ENTREP2: variants seen among roughly 807,000 people sequenced by gnomAD.
The protein encoded by ENTREP2 is endosomal transmembrane epsin interactor 2.
the ENTREP2 span, among the ~76,000 whole-genome samples, chr15:29,306,664 A>ATTTTTTTTTTTTTTTTTTT: frequency 1.7e-4 from 13 of 77,338 alleles, 2 homozygotes; most frequent in Non-Finnish European, 2.9e-4. Flanking sequence ...ATAATTGGTA[A>ATTTTTTTTTTTTTTTTTTT]TTTTTTTTTT....
chr15:29,203,117 C>G, the ENTREP2 span, among the ~76,000 whole-genome samples: 1 of 152,178 alleles, frequency 6.6e-6, no homozygotes, highest in Non-Finnish European at 1.5e-5. Flanking sequence ...TAAAACCGTT[C>G]CTAGGCCGGG....
At chr15:29,366,407 A>G in the ENTREP2 span, among the ~76,000 whole-genome samples, 1 of 152,112 alleles carries the variant, frequency 6.6e-6, no homozygotes, top group Non-Finnish European at 1.5e-5. Flanking sequence ...TTAAACTAGG[A>G]TTTTTTTATC....
the ENTREP2 span, chr15:29,252,474 G>C: frequency 1.9e-6 from 3 of 1,540,974 alleles, no homozygotes; most frequent in African/African-American, 2.7e-5. Context: ...CATGAAAAAG[G>C]TTATCTGGAA....
At chr15:29,660,661 C>T in the ENTREP2 span, among the ~76,000 whole-genome samples, 10 of 152,262 alleles carry the variant, frequency 6.6e-5, no homozygotes, top group East Asian at 1.7e-3. Context: ...CTTTGGATTT[C>T]TTTCTGACAA....
At chr15:29,276,548 C>T in the ENTREP2 span, among the ~76,000 whole-genome samples, 12 of 152,182 alleles carry the variant, frequency 7.9e-5, no homozygotes, top group African/African-American at 2.9e-4. Context: ...GACAGATTCT[C>T]GCCCCTCTGA....
At chr15:29,577,347 T>TGTGTGTGTGA in the ENTREP2 span, among the ~76,000 whole-genome samples, 1 of 149,554 alleles carries the variant, frequency 6.7e-6, no homozygotes, top group East Asian at 2.0e-4. Flanking sequence ...TGTGTGTGTG[T>TGTGTGTGTGA]GTGAGAGAGA....
At chr15:29,325,387 A>G in the ENTREP2 span, among the ~76,000 whole-genome samples, 1 of 152,142 alleles carries the variant, frequency 6.6e-6, no homozygotes, top group Non-Finnish European at 1.5e-5. Flanking sequence ...TAGACTCAGA[A>G]AAAAGGATAC....
At chr15:29,371,787 G>A in the ENTREP2 span, among the ~76,000 whole-genome samples, 133 of 152,076 alleles carry the variant, frequency 8.7e-4, no homozygotes, top group African/African-American at 3.0e-3. Flanking sequence ...AAATAGAAGT[G>A]CCCCAGAAAG....
the ENTREP2 span, among the ~76,000 whole-genome samples, chr15:29,428,835 G>A: frequency 5.3e-5 from 8 of 152,154 alleles, no homozygotes; most frequent in Non-Finnish European, 1.0e-4. Flanking sequence ...TCATCCCTAA[G>A]GCTGGCCAAA....
At chr15:29,583,048 A>C in the ENTREP2 span, among the ~76,000 whole-genome samples, 3 of 152,210 alleles carry the variant, frequency 2.0e-5, no homozygotes, top group Non-Finnish European at 4.4e-5. Context: ...TATTGGAATA[A>C]AATTTCTGAG....
chr15:29,459,537 G>C, the ENTREP2 span, among the ~76,000 whole-genome samples: 1 of 152,186 alleles, frequency 6.6e-6, no homozygotes, highest in East Asian at 1.9e-4. Flanking sequence ...ACTAGGAGTT[G>C]TACATGATGT....
At chr15:29,445,344 G>C in the ENTREP2 span, among the ~76,000 whole-genome samples, 8 of 152,108 alleles carry the variant, frequency 5.3e-5, no homozygotes. Flanking sequence ...CCTCAGGATG[G>C]GGGCTGATTG....
chr15:29,134,399 G>A, the ENTREP2 span, among the ~76,000 whole-genome samples: 1 of 152,166 alleles, frequency 6.6e-6, no homozygotes, highest in African/African-American at 2.4e-5. Flanking sequence ...GCCACTGTCT[G>A]CAGCCTGCCT....
the ENTREP2 span, among the ~76,000 whole-genome samples, chr15:29,508,855 C>T: frequency 1.3e-5 from 2 of 152,188 alleles, no homozygotes; most frequent in African/African-American, 4.8e-5. Context: ...TAAGGATGCC[C>T]TCTCTCACCA....
At chr15:29,429,460 A>G in the ENTREP2 span, among the ~76,000 whole-genome samples, 4 of 152,172 alleles carry the variant, frequency 2.6e-5, no homozygotes, top group Non-Finnish European at 4.4e-5. Flanking sequence ...GCCTCAAGCA[A>G]TCCTCCCACC....
chr15:29,477,539 AT>A, the ENTREP2 span, among the ~76,000 whole-genome samples: 4 of 152,128 alleles, frequency 2.6e-5, no homozygotes, highest in Non-Finnish European at 4.4e-5. Flanking sequence ...AGCCCATTAA[AT>A]TTTTCAAGGA....
the ENTREP2 span, among the ~76,000 whole-genome samples, chr15:29,582,381 A>G: frequency 2.6e-5 from 4 of 152,248 alleles, no homozygotes; most frequent in Admixed American, 2.0e-4. Flanking sequence ...AGAAATAAAG[A>G]CTAAACAAAA....
the ENTREP2 span, among the ~76,000 whole-genome samples, chr15:29,402,008 G>T: frequency 3.9e-5 from 6 of 152,094 alleles, no homozygotes; most frequent in East Asian, 9.7e-4. Flanking sequence ...AGGCGAGGGG[G>T]AACTTGCTTT....
the ENTREP2 span, among the ~76,000 whole-genome samples, chr15:29,350,070 T>C: frequency 1.3e-5 from 2 of 152,164 alleles, no homozygotes; most frequent in Non-Finnish European, 2.9e-5. Flanking sequence ...CTATAAATTA[T>C]ATTGCTTTCT....
Sources: gnomAD v4.1 joint callset for allele counts (sites outside exome capture counted in the v4.1 genomes callset) on GRCh38, gnomAD v4.1.1 for gene constraint, MANE v1.5 for transcripts, NCBI Gene and HGNC (gene_info 2026-07-23, HGNC 2026-07-21) for gene names.